Variants in MYT1L observed in about 807,000 individuals in gnomAD.
MYT1L encodes myelin transcription factor 1 like, also known as myelin transcription factor 1-like protein.
In MYT1L, 12 loss-of-function variants were observed where a neutral mutation model predicts 126.7. The ratio of observed to expected loss-of-function variants is 0.09; its 90% CI spans 0.06 to 0.15. The LOEUF (loss-of-function observed/expected upper bound fraction) is 0.15, where lower values mean the gene tolerates loss of function less well. MYT1L is among the 10% of genes least tolerant of loss of function. The probability of loss-of-function intolerance (pLI) is 1.00; values close to 1 mark genes in which losing one functional copy is unlikely to be tolerated. For missense variants in MYT1L, 979 were observed against 1,585.2 expected, an observed-to-expected ratio of 0.62 and a Z score of 6.49; for synonymous variants, 541 against 604.2, an observed-to-expected ratio of 0.90 and a Z score of 1.53.
chr2:2,018,374 G>A (rs2064658227), intron 4 of MYT1L, among the ~76,000 whole-genome samples: 1 of 152,126 alleles, frequency 6.6e-6, no homozygotes, highest in Non-Finnish European at 1.5e-5. Context: ...CTGGATGGTG[G>A]CCATGGAGAG....
chr2:2,313,832 A>G (rs2096016987), intron 1 of MYT1L, among the ~76,000 whole-genome samples: 1 of 152,212 alleles, frequency 6.6e-6, no homozygotes, highest in Non-Finnish European at 1.5e-5. Flanking sequence ...TGAAACCTGA[A>G]TTAAATAGCT....
intron 2 of MYT1L, among the ~76,000 whole-genome samples, chr2:2,237,175 T>G (rs1020607285): frequency 6.6e-6 from 1 of 152,106 alleles, no homozygotes; most frequent in African/African-American, 2.4e-5. Flanking sequence ...CTTTCCCATC[T>G]CACTCTTTCC....
rs1479185221 is a variant in MYT1L, at chr2:1,917,890, G to A, written c.1484-551C>T. 7.2e-5 allele frequency among the ~76,000 whole-genome samples: 11 copies of A among 152,126 alleles called. 1 individual carries two copies. The highest frequency in any genetic ancestry group is 2.1e-4 in the South Asian group (1 of 4,816). Reference sequence around the variant, plus strand: ...TTGTTTCGTAGCACACCAATTCAGCGCTTTTCTGAAAATAAACTGAACTCT... The same window carrying A: ...TTGTTTCGTAGCACACCAATTCAGCACTTTTCTGAAAATAAACTGAACTCT... On this transcript the variant is annotated intron_variant, in intron 10 of 24. Transcript: ENST00000647738. This position sits in a 1 kb window ranked among gnomAD's most constrained non-coding sequence, Gnocchi z 5.9.
chr2:1,986,008 C>CAGGAAAAAAAAAAG, intron 5 of MYT1L, among the ~76,000 whole-genome samples: 1 of 152,194 alleles, frequency 6.6e-6, no homozygotes, highest in African/African-American at 2.4e-5. Flanking sequence ...AGCCACTAGC[C>CAGGAAAAAAAAAAG]TTTTGAATAC....
At chr2:2,152,071 C>A (rs1466882421) in intron 3 of MYT1L, among the ~76,000 whole-genome samples, 3 of 152,148 alleles carry the variant, frequency 2.0e-5, no homozygotes, top group African/African-American at 4.8e-5. Flanking sequence ...ATCAATCAAT[C>A]AATAAAAGAA....
chr2:2,217,079 T>G (rs2093697081), intron 2 of MYT1L, among the ~76,000 whole-genome samples: 1 of 152,210 alleles, frequency 6.6e-6, no homozygotes, highest in African/African-American at 2.4e-5. Flanking sequence ...ACTTCAGGTA[T>G]GAATTGCATC....
intron 3 of MYT1L, among the ~76,000 whole-genome samples, chr2:2,080,604 G>C (rs938911960): frequency 2.0e-5 from 3 of 152,034 alleles, no homozygotes; most frequent in African/African-American, 7.2e-5. Context: ...TTGTCATCTG[G>C]GAAATGCAAA....
At chr2:2,143,163 G>T (rs184292725) in intron 3 of MYT1L, among the ~76,000 whole-genome samples, 1 of 151,542 alleles carries the variant, frequency 6.6e-6, no homozygotes, top group Non-Finnish European at 1.5e-5. Context: ...AGTGGCAGGC[G>T]CCTGTAGTCC....
chr2:2,217,685 C>CAAAAAAAAAAAAAAAAAAA (rs1167910803), intron 2 of MYT1L, among the ~76,000 whole-genome samples: 2 of 79,634 alleles, frequency 2.5e-5, no homozygotes, highest in South Asian at 3.9e-4. Context: ...ACAACAACAA[C>CAAAAAAAAAAAAAAAAAAA]AACAACAACA....
chr2:2,038,594 A>G (rs1307636104), intron 4 of MYT1L, among the ~76,000 whole-genome samples: 2 of 152,072 alleles, frequency 1.3e-5, no homozygotes, highest in African/African-American at 2.4e-5. Flanking sequence ...CTGCCACCAA[A>G]TATCTCCCCT....
At chr2:1,923,516 C>G (rs2053840117) in intron 9 of MYT1L, among the ~76,000 whole-genome samples, 1 of 152,208 alleles carries the variant, frequency 6.6e-6, no homozygotes, top group South Asian at 2.1e-4. Flanking sequence ...TTAAGATAAA[C>G]CAGTCAATGT....
At chr2:1,901,795 G>T (rs1039027543) in intron 14 of MYT1L, among the ~76,000 whole-genome samples, 7 of 152,262 alleles carry the variant, frequency 4.6e-5, no homozygotes, top group Admixed American at 4.6e-4. Flanking sequence ...GAGCAGCTGG[G>T]ATTATAGGCA....
chr2:2,182,001 G>A (rs1469770569), intron 2 of MYT1L, among the ~76,000 whole-genome samples: 2 of 152,130 alleles, frequency 1.3e-5, no homozygotes, highest in African/African-American at 4.8e-5. Context: ...ATTGACAAGT[G>A]TCCACCCTGG....
intron 3 of MYT1L, among the ~76,000 whole-genome samples, chr2:2,160,045 C>T (rs1482588698): frequency 1.3e-5 from 2 of 152,030 alleles, no homozygotes; most frequent in Admixed American, 6.6e-5. Flanking sequence ...TCAGTTTCCT[C>T]GTCTGCAGAT....
chr2:1,877,661 C>T (rs2047078789), intron 18 of MYT1L, among the ~76,000 whole-genome samples: 1 of 152,140 alleles, frequency 6.6e-6, no homozygotes, highest in Non-Finnish European at 1.5e-5. Context: ...TGGCTGCTCG[C>T]ACGCCTGTGC....
intron 2 of MYT1L, among the ~76,000 whole-genome samples, chr2:2,271,395 T>C (rs2095260377): frequency 6.6e-6 from 1 of 152,222 alleles, no homozygotes; most frequent in Non-Finnish European, 1.5e-5. Context: ...CATGATGTGA[T>C]ATGATAAAGG....
intron 4 of MYT1L, among the ~76,000 whole-genome samples, chr2:2,006,882 C>T (rs2063379957): frequency 6.7e-6 from 1 of 149,322 alleles, no homozygotes; most frequent in Admixed American, 6.7e-5. Flanking sequence ...AGGCTGAGCT[C>T]TTTAGGAAAA....
intron 8 of MYT1L, among the ~76,000 whole-genome samples, chr2:1,961,956 A>C (rs1254499237): frequency 6.6e-6 from 1 of 152,242 alleles, no homozygotes; most frequent in Non-Finnish European, 1.5e-5. Flanking sequence ...GAAGAGAATA[A>C]TTTGGATGTT....
At chr2:2,189,185 ACTC>A (rs1368251203) in intron 2 of MYT1L, among the ~76,000 whole-genome samples, 2 of 152,058 alleles carry the variant, frequency 1.3e-5, no homozygotes. Context: ...CAAAACCTGA[ACTC>A]CTGGCCATGC....
Sources: gnomAD v4.1 joint callset for allele counts (sites outside exome capture counted in the v4.1 genomes callset) on GRCh38, gnomAD v4.1.1 for gene constraint, Gnocchi (gnomAD v3.1) non-coding constraint, MANE v1.5 for transcripts, NCBI Gene and HGNC (gene_info 2026-07-23, HGNC 2026-07-21) for gene names.